DCUN1D4: variants seen among roughly 807,000 people sequenced by gnomAD.
DCUN1D4 encodes defective in cullin neddylation 1 domain containing 4, also known as DCN1-like protein 4.
A neutral mutation model predicts 47.9 loss-of-function variants in DCUN1D4; 22 were observed. That is an observed-to-expected ratio of 0.46 (90% CI 0.33 to 0.66). DCUN1D4 has a LOEUF of 0.66. Among genes scored for constraint, DCUN1D4 ranks in the 30% least tolerant of loss-of-function variants. The pLI is 0.02. For missense variants in DCUN1D4, 301 were observed against 340.8 expected (o/e 0.88, Z 0.92); for synonymous variants, 121 against 112.2 (o/e 1.08, Z -0.50).
chr4:51,843,030 A>T (rs973011366), upstream of DCUN1D4: 18 of 1,358,556 alleles, frequency 1.3e-5, no homozygotes, highest in Admixed American at 3.5e-5. Context: ...TGCCAGCTCC[A>T]GACCGGCGCT....
At chr4:51,904,017 G>A (rs1732501135) in intron 8 of DCUN1D4, among the ~76,000 whole-genome samples, 1 of 151,796 alleles carries the variant, frequency 6.6e-6, no homozygotes, top group Admixed American at 6.6e-5. Context: ...TACTTGCCCA[G>A]CTTCTTTGCA....
chr4:51,871,478 C>CACT (rs1011071541), intron 3 of DCUN1D4, among the ~76,000 whole-genome samples: 3 of 152,014 alleles, frequency 2.0e-5, no homozygotes, highest in African/African-American at 7.2e-5. Flanking sequence ...TTGGTGTAGA[C>CACT]GTTATTTTAA....
Position 51,843,179 on chromosome 4 carries a change from G to T in DCUN1D4, c.-64G>T. 2.0e-6 allele frequency: 3 copies of T among 1,535,094 alleles called. No homozygotes were observed. The highest frequency in any genetic ancestry group is 1.8e-6 in the Non-Finnish European group (2 of 1,141,644). On this transcript the variant is annotated 5_prime_UTR_variant, in exon 1 of 11. Transcript: ENST00000334635. ...GCTTCGAGCCGAGGTGCAGTGAGCT[G>T]GTGGGGGGACCGCGAGGCGAGCGCG...
intron 3 of DCUN1D4, among the ~76,000 whole-genome samples, chr4:51,866,733 T>C (rs1577904874): frequency 2.0e-5 from 3 of 152,214 alleles, no homozygotes; most frequent in Admixed American, 6.5e-5. Flanking sequence ...TAACCCAAAG[T>C]GTGGCACTTG....
rs569495783 is a variant in DCUN1D4, at chr4:51,844,554, G to A, written c.25+1287G>A. 2.1e-3 allele frequency among the ~76,000 whole-genome samples: 312 copies of A among 152,066 alleles called. 3 individuals carry two copies. Among genetic ancestry groups the A allele is most frequent in the African/African-American group, 7.2e-3 (299 of 41,496 alleles). ...GTGTCGGGGTCCCTGGCAGTCCGTG[G>A]GTTTGATAGTCTGTGACGCAGTTGT... On this transcript the variant is annotated intron_variant, in intron 1 of 10. Coordinates refer to ENST00000334635, the MANE Select transcript of DCUN1D4 (RefSeq NM_001040402.3).
intron 1 of DCUN1D4, among the ~76,000 whole-genome samples, chr4:51,858,328 G>C (rs141008426): frequency 2.0e-5 from 3 of 152,064 alleles, no homozygotes; most frequent in Admixed American, 1.3e-4. Flanking sequence ...AGAACAGCAC[G>C]TGCAAAGGCG....
chr4:51,844,892 C>A lies in DCUN1D4; in HGVS notation c.25+1625C>A, dbSNP rs57035235. 1,221 of 985,422 alleles carry A rather than the reference C, an allele frequency of 1.2e-3. 12 individuals carry two copies. In the African/African-American group the frequency reaches 0.02, roughly 16 times the overall value. 61.0% of individuals were successfully genotyped at this position (985,422 alleles called of 1,614,324 possible). On this transcript the variant is annotated intron_variant, in intron 1 of 10. Transcript: ENST00000334635. ...TTGGAGCCTTCCTGCTCGGCCAACT[C>A]GTGCTTTATTCCCCGGCCAGCTCCT...
chr4:51,861,136 G>T (rs1281183769), intron 1 of DCUN1D4, among the ~76,000 whole-genome samples: 5 of 152,194 alleles, frequency 3.3e-5, no homozygotes, highest in African/African-American at 1.2e-4. Context: ...TTATGAAGGA[G>T]AATTTTTTAT....
rs769512653 is a variant in DCUN1D4, at chr4:51,863,445, C to G, written c.34C>G (p.Leu12Val). The change falls in exon 2 of 11, where the codon CTG becomes GTG. Residue 12 changes from leucine to valine, a missense_variant. Around this residue, in one of 2 missense-constraint regions of DCUN1D4, gnomAD observed 131 missense variants for 106.3 expected, o/e 1.23. Transcript: ENST00000334635. ...TCCTTTTTCTTTTCAAGATTTTCAGCTGAACTCTCATCTCTCAACACTGGC... is the reference window on the plus strand; with the variant it reads ...TCCTTTTTCTTTTCAAGATTTTCAGGTGAACTCTCATCTCTCAACACTGGC... ...HSDAAAVNFQ[L>V]NSHLSTLANI... 13 of 1,610,818 alleles carry G rather than the reference C, an allele frequency of 8.1e-6. No individual in the cohort carries two copies. The highest frequency in any genetic ancestry group is 9.3e-6 in the Non-Finnish European group (11 of 1,178,428).
At chr4:51,834,187 G>A in the DCUN1D4 span, among the ~76,000 whole-genome samples, 2 of 137,994 alleles carry the variant, frequency 1.4e-5, no homozygotes, top group Non-Finnish European at 3.0e-5. Flanking sequence ...TCCCCTAACC[G>A]AGAACAGCAA....
At chr4:51,882,874 CT>C (rs1342490594) in intron 5 of DCUN1D4, among the ~76,000 whole-genome samples, 5 of 151,792 alleles carry the variant, frequency 3.3e-5, no homozygotes, top group African/African-American at 9.7e-5. Context: ...TACAAAGTAA[CT>C]TTCCCCCCCG....
intron 1 of DCUN1D4, among the ~76,000 whole-genome samples, chr4:51,844,036 G>A (rs1722072219): frequency 6.6e-6 from 1 of 150,400 alleles, no homozygotes; most frequent in African/African-American, 2.5e-5. Flanking sequence ...GGGCAGGTGT[G>A]GAAGGGTAGG....
chr4:51,899,246 T>G (rs1206349370), intron 7 of DCUN1D4, 24 bp from the exon 8 acceptor site: 1 of 1,569,148 alleles, frequency 6.4e-7, no homozygotes, highest in East Asian at 2.3e-5. Context: ...CAGGTCATAA[T>G]TTGCCTTTAT....
At chr4:51,890,544 T>A (rs1168531485) in intron 6 of DCUN1D4, among the ~76,000 whole-genome samples, 2 of 152,218 alleles carry the variant, frequency 1.3e-5, no homozygotes, top group Non-Finnish European at 2.9e-5. Context: ...TGGGTGTTCC[T>A]TATGTATGAA....
At chr4:51,884,268 CG>C (rs1354338929) in intron 5 of DCUN1D4, 6 of 152,216 alleles carry the variant, frequency 3.9e-5, no homozygotes, top group African/African-American at 1.4e-4. Context: ...GCAGGAGCTC[CG>C]GGTGACTTTA....
intron 1 of DCUN1D4, chr4:51,843,635 G>C: frequency 8.0e-7 from 1 of 1,257,766 alleles, no homozygotes; most frequent in Non-Finnish European, 9.9e-7. Flanking sequence ...CGGGGATGTG[G>C]GGGGGTGGCA....
At chr4:51,899,604 C>A (rs1412235851) in intron 8 of DCUN1D4, among the ~76,000 whole-genome samples, 1 of 152,154 alleles carries the variant, frequency 6.6e-6, no homozygotes, top group Non-Finnish European at 1.5e-5. Flanking sequence ...CGTTTACTGG[C>A]TCTTGGAATT....
Position 51,916,419 on chromosome 4 carries a change from A to T in DCUN1D4, c.*2835A>T, listed in dbSNP as rs990367913. On this transcript the variant is annotated 3_prime_UTR_variant, in exon 11 of 11. Transcript: ENST00000334635. Reference sequence around the variant, plus strand: ...TTTTAACAGTGCTTTTGAAGTTTATACAGAAAGCTTTAAAAGTTAGTTTGT... The same window carrying T: ...TTTTAACAGTGCTTTTGAAGTTTATTCAGAAAGCTTTAAAAGTTAGTTTGT... 2 of 152,582 alleles carry T rather than the reference A, an allele frequency of 1.3e-5. No individual in the cohort carries two copies. The highest frequency in any genetic ancestry group is 2.9e-5 in the Non-Finnish European group (2 of 68,008). 9.5% of individuals were successfully genotyped at this position (152,582 alleles called of 1,614,324 possible).
At chr4:51,899,168 G>C in intron 7 of DCUN1D4, 102 bp from the exon 8 acceptor site, 1 of 1,399,020 alleles carries the variant, frequency 7.1e-7, no homozygotes, top group Non-Finnish European at 9.3e-7. Context: ...TCAACTTCAG[G>C]GATTTGTTCT....
Sources: allele counts gnomAD v4.1 joint callset (sites outside exome capture counted in the v4.1 genomes callset), GRCh38; gene constraint gnomAD v4.1.1; regional missense constraint gnomAD v4.1.1; transcripts MANE v1.5; gene names NCBI Gene and HGNC (gene_info 2026-07-23, HGNC 2026-07-21).